Variants in AGTRAP observed in about 807,000 individuals in gnomAD.
AGTRAP encodes type-1 angiotensin II receptor-associated protein.
In AGTRAP, 7 loss-of-function variants were observed where a neutral mutation model predicts 15.2. The observed-to-expected ratio is 0.46, with a 90% confidence interval of 0.26 to 0.87. AGTRAP has a LOEUF of 0.87. Ranked by LOEUF, AGTRAP falls within the 40% of genes least tolerant of loss-of-function variation. The pLI is 0.15. For missense variants in AGTRAP, 187 were observed against 213.4 expected (o/e 0.88, Z 0.77); for synonymous variants, 74 against 89.6 (o/e 0.83, Z 0.98).
At chr1:11,743,447 T>C (rs551625641) in intron 1 of AGTRAP, among the ~76,000 whole-genome samples, 2 of 152,160 alleles carry the variant, frequency 1.3e-5, no homozygotes, top group South Asian at 4.1e-4. Flanking sequence ...GGTTTCGCCA[T>C]GTTAGCCAGG....
intron 1 of AGTRAP, among the ~76,000 whole-genome samples, chr1:11,741,376 A>G (rs1642026963): frequency 6.6e-6 from 1 of 152,228 alleles, no homozygotes; most frequent in Admixed American, 6.5e-5. Flanking sequence ...CCTAGGGCAG[A>G]GTACCTGGTT....
chr1:11,736,300 A>G, intron 1 of AGTRAP, 65 bp downstream of exon 1: 2 of 1,577,388 alleles, frequency 1.3e-6, no homozygotes, highest in Non-Finnish European at 1.7e-6. Flanking sequence ...ATTTTCCCGG[A>G]AGGTGGGAGG....
chr1:11,750,064 C>T lies in AGTRAP; in HGVS notation c.365-13C>T. 1.9e-6 allele frequency: 3 copies of T among 1,605,000 alleles called. No homozygotes were observed. The highest frequency in any genetic ancestry group is 2.6e-6 in the Non-Finnish European group (3 of 1,172,138). The stretch of plus-strand genomic sequence containing the variant: ...CTTCATTTTTCTTTCCCACCATGTC[C>T]CCTGTCACCTAGGTTTCCTTGGGTC... On this transcript the variant is annotated splice_polypyrimidine_tract_variant and intron_variant, in intron 4 of 4. Transcript: ENST00000314340.
Position 11,745,983 on chromosome 1 carries a change from A to G in AGTRAP, c.62+146A>G, listed in dbSNP as rs1642153771. The G allele has an allele frequency of 5.2e-6, 7 of 1,351,808 alleles. No individual in the cohort carries two copies. The highest frequency in any genetic ancestry group is 2.4e-5 in the South Asian group (2 of 85,038). The allele number at this position is 1,351,808 out of a possible 1,614,324, so 83.7% of individuals were successfully genotyped here. The stretch of plus-strand genomic sequence containing the variant: ...TCCGGGTCTTGATTTCCGTCTGTAC[A>G]ATAGGCATAAGGATTGCACACCCTG... On this transcript the variant is annotated intron_variant, in intron 2 of 4. Coordinates refer to ENST00000314340, the MANE Select transcript of AGTRAP (RefSeq NM_020350.5). This position sits in a 1 kb window ranked among gnomAD's most constrained non-coding sequence, Gnocchi z 4.2.
chr1:11,750,056 A>T, intron 4 of AGTRAP, 21 bp from the exon 5 acceptor site: 3 of 1,595,338 alleles, frequency 1.9e-6, no homozygotes, highest in Non-Finnish European at 2.6e-6. Context: ...TTTCTTTCCC[A>T]CCATGTCCCC....
chr1:11,748,156 C>G (rs749523339), intron 3 of AGTRAP, among the ~76,000 whole-genome samples: 13 of 152,234 alleles, frequency 8.5e-5, no homozygotes, highest in Non-Finnish European at 1.5e-4. Flanking sequence ...TTGTGCCCAT[C>G]ATGGCCTTGG....
chr1:11,741,826 G>A lies in AGTRAP; in HGVS notation c.28-3977G>A, dbSNP rs993908721. Among the ~76,000 whole-genome samples the A allele has an allele frequency of 1.1e-4, 17 of 152,372 alleles. No homozygotes were observed. In the East Asian group the frequency reaches 1.7e-3, roughly 16 times the overall value. On this transcript the variant is annotated intron_variant, in intron 1 of 4. Transcript: ENST00000314340. ...TCAATAGTAGACGAAGGTAGGTGAGGTGATGGCGAAGATTCCTTCTAGAGC... is the reference window on the plus strand; with the variant it reads ...TCAATAGTAGACGAAGGTAGGTGAGATGATGGCGAAGATTCCTTCTAGAGC...
intron 2 of AGTRAP, 45 bp from the exon 3 acceptor site, chr1:11,747,395 C>T (rs1337056238): frequency 5.1e-6 from 8 of 1,562,138 alleles, no homozygotes; most frequent in Admixed American, 3.3e-5. Flanking sequence ...AGGTGACCTG[C>T]GGGGTGGTGG....
Position 11,750,659 on chromosome 1 carries a change from G to T in AGTRAP, c.*467G>T. 1 of 290,814 alleles carries T rather than the reference G, an allele frequency of 3.4e-6. No individual in the cohort carries two copies. Among genetic ancestry groups the T allele is most frequent in the Non-Finnish European group, 6.6e-6 (1 of 152,144 alleles). The allele number at this position is 290,814 out of a possible 1,614,324, so 18.0% of individuals were successfully genotyped here. On this transcript the variant is annotated 3_prime_UTR_variant, in exon 5 of 5. Transcript: ENST00000314340. ...CGTCCTTCTCACTGCCTGGTCACATGGTGCCTAGGGATGCAGGGCTGGAGG... is the reference window on the plus strand; with the variant it reads ...CGTCCTTCTCACTGCCTGGTCACATTGTGCCTAGGGATGCAGGGCTGGAGG...
Position 11,750,091 on chromosome 1 carries a change from T to C in AGTRAP, c.379T>C (p.Ser127Pro). The C allele has an allele frequency of 6.2e-7, 1 of 1,613,998 alleles. No individual in the cohort carries two copies. The highest frequency in any genetic ancestry group is 8.5e-7 in the Non-Finnish European group (1 of 1,179,974). ...CTGTCACCTAGGTTTCCTTGGGTCT[T>C]CTCAGGACCGTAGTGCCTACCAGAC... ...LLVHTGFLGS[S>P]QDRSAYQTID... Residue 127 changes from serine (S) to proline (P), a missense_variant, in exon 5 of 5, where the codon TCT becomes CCT. Ser to Pro is a moderately conservative substitution (Grantham distance 74). Coordinates refer to ENST00000314340, the MANE Select transcript of AGTRAP (RefSeq NM_020350.5).
Position 11,736,182 on chromosome 1 carries a change from G to A in AGTRAP, c.-27G>A. The A allele has an allele frequency of 6.3e-7, 1 of 1,597,556 alleles. No individual in the cohort carries two copies. Among genetic ancestry groups the A allele is most frequent in the Non-Finnish European group, 8.5e-7 (1 of 1,173,382 alleles). The stretch of plus-strand genomic sequence containing the variant: ...AGCCTAGGAGCCCCCCGCGGCTGCG[G>A]CGCAGGTGCCCTCGGCCTGAGTCGG... On this transcript the variant is annotated 5_prime_UTR_variant, in exon 1 of 5. Transcript: ENST00000314340.
At chr1:11,741,272 G>T (rs1254349326) in intron 1 of AGTRAP, among the ~76,000 whole-genome samples, 2 of 152,040 alleles carry the variant, frequency 1.3e-5, no homozygotes, top group East Asian at 3.9e-4. Flanking sequence ...CCTCCCTGCT[G>T]TTCAATCAGG....
intron 1 of AGTRAP, among the ~76,000 whole-genome samples, chr1:11,739,023 T>A (rs562606132): frequency 5.3e-5 from 8 of 152,320 alleles, no homozygotes; most frequent in Middle Eastern, 6.8e-3. Flanking sequence ...CTCATTTCCA[T>A]CTGCCCTCTA....
Position 11,745,442 on chromosome 1 carries a change from G to C in AGTRAP, c.28-361G>C, listed in dbSNP as rs1642137803. 6.6e-6 allele frequency among the ~76,000 whole-genome samples: 1 copy of C among 152,186 alleles called. No homozygotes were observed. Among genetic ancestry groups the C allele is most frequent in the Non-Finnish European group, 1.5e-5 (1 of 68,040 alleles). ...ACCTCCTGTCTCATCCTGTGACTTA[G>C]AATGCCTTAACCATCTGGGAATGCA... On this transcript the variant is annotated intron_variant, in intron 1 of 4. Transcript: ENST00000314340. The surrounding 1 kb of genome is among the most constrained non-coding windows in gnomAD (Gnocchi z 4.2).
rs1253647551 is a variant in AGTRAP, at chr1:11,736,201, G to C, written c.-8G>C. ...GCTGCGGCGCAGGTGCCCTCGGCCT[G>C]AGTCGGGATGGAGCTGCCTGCTGTG... On this transcript the variant is annotated 5_prime_UTR_variant, in exon 1 of 5. Coordinates refer to ENST00000314340, the MANE Select transcript of AGTRAP (RefSeq NM_020350.5). 4.4e-6 allele frequency: 7 copies of C among 1,605,082 alleles called. No homozygotes were observed. In the Admixed American group the frequency reaches 6.8e-5, roughly 16 times the overall value.
At chr1:11,750,033 C>T (rs1465348092) in intron 4 of AGTRAP, 44 bp from the exon 5 acceptor site, 1 of 1,522,310 alleles carries the variant, frequency 6.6e-7, no homozygotes, top group Admixed American at 1.8e-5. Flanking sequence ...ATCCCGAGTT[C>T]TCACCCTTCA....
rs17875990 is a variant in AGTRAP at position 11,747,239 on chromosome 1, G to A, written c.63-201G>A. On this transcript the variant is annotated intron_variant, in intron 2 of 4. Transcript: ENST00000314340. ...TGCGGCTGTCATCTGCCAGGAGAGG[G>A]AGGTGCTTTGGATCTACAGGGACAC... Among the ~76,000 whole-genome samples, 856 of 152,322 alleles carry A rather than the reference G, an allele frequency of 5.6e-3. 5 individuals carry two copies. Among genetic ancestry groups the A allele is most frequent in the Non-Finnish European group, 9.4e-3 (641 of 68,020 alleles).
chr1:11,750,462 T>C lies in AGTRAP; in HGVS notation c.*270T>C, dbSNP rs1020774299. ...TCTCTCTTTACCTCCTACCCCATGG[T>C]GGCACCACAGAGGCCCTCAGCCGAG... On this transcript the variant is annotated 3_prime_UTR_variant, in exon 5 of 5. Coordinates refer to ENST00000314340, the MANE Select transcript of AGTRAP (RefSeq NM_020350.5). 5.0e-6 allele frequency: 3 copies of C among 595,434 alleles called. No homozygotes were observed. The highest frequency in any genetic ancestry group is 6.0e-6 in the Non-Finnish European group (2 of 333,844). 36.9% of individuals were successfully genotyped at this position (595,434 alleles called of 1,614,324 possible). A position where few individuals can be genotyped will look rare whatever the true frequency, so the allele number is the denominator to read the frequency against.
chr1:11,748,347 G>A (rs569331126), intron 3 of AGTRAP, 68 bp from the exon 4 acceptor site: 27 of 1,527,906 alleles, frequency 1.8e-5, no homozygotes, highest in East Asian at 1.4e-4. Context: ...CTTCCCATCC[G>A]GTGTGTGGCG....
Sources: allele counts gnomAD v4.1 joint callset (sites outside exome capture counted in the v4.1 genomes callset), GRCh38; gene constraint gnomAD v4.1.1; non-coding constraint Gnocchi (gnomAD v3.1); transcripts MANE v1.5; gene names NCBI Gene and HGNC (gene_info 2026-07-23, HGNC 2026-07-21).